SMG6: variants seen among roughly 807,000 people sequenced by gnomAD.
The protein encoded by SMG6 is telomerase-binding protein EST1A.
A neutral mutation model predicts 142.2 loss-of-function variants in SMG6; 66 were observed. That is an observed-to-expected ratio of 0.46 (90% confidence interval 0.38 to 0.57). The LOEUF (loss-of-function observed/expected upper bound fraction) is 0.57. Ranked by LOEUF, SMG6 falls within the 20% of genes least tolerant of loss-of-function variation. SMG6 has a pLI of 0.00. For synonymous variants in SMG6, 779 were observed against 702.4 expected, an observed-to-expected ratio of 1.11 and a Z score of -1.72; for missense variants, 1,793 against 1,832.0, an observed-to-expected ratio of 0.98 and a Z score of 0.39.
chr17:2,164,759 A>T, intron 13 of SMG6, among the ~76,000 whole-genome samples: 1 of 152,060 alleles, frequency 6.6e-6, no homozygotes, highest in East Asian at 1.9e-4. Context: ...TAACATGGCA[A>T]AACCCCATCT....
chr17:2,123,538 G>T (rs1438809119), intron 13 of SMG6, among the ~76,000 whole-genome samples: 1 of 152,184 alleles, frequency 6.6e-6, no homozygotes, highest in East Asian at 1.9e-4. Context: ...CTTGGCAATG[G>T]TTATTCCTCC....
At chr17:2,122,114 A>G (rs2069720882) in intron 13 of SMG6, among the ~76,000 whole-genome samples, 1 of 152,152 alleles carries the variant, frequency 6.6e-6, no homozygotes, top group African/African-American at 2.4e-5. Context: ...GATTATAGGC[A>G]TTAAAAAAAT....
intron 13 of SMG6, among the ~76,000 whole-genome samples, chr17:2,120,633 G>A (rs977751220): frequency 4.6e-5 from 7 of 152,218 alleles, no homozygotes; most frequent in Non-Finnish European, 8.8e-5. Flanking sequence ...TGAGGCAGGA[G>A]GATTGCCCGA....
chr17:2,125,030 C>A (rs1489580018), intron 13 of SMG6, among the ~76,000 whole-genome samples: 1 of 152,046 alleles, frequency 6.6e-6, no homozygotes, highest in East Asian at 1.9e-4. Flanking sequence ...TTAAAAACAC[C>A]TCATTTGGGG....
intron 13 of SMG6, among the ~76,000 whole-genome samples, chr17:2,158,743 C>G (rs2151619163): frequency 6.6e-6 from 1 of 151,854 alleles, no homozygotes; most frequent in African/African-American, 2.4e-5. Context: ...ATGGCGAAAC[C>G]ATGGCTCTAC....
intron 13 of SMG6, chr17:2,088,182 G>A (rs1237002048): frequency 7.1e-6 from 7 of 985,402 alleles, no homozygotes; most frequent in Non-Finnish European, 6.0e-6. Context: ...ACAGACAGGC[G>A]GGCAGGAGTG....
chr17:2,288,817 C>T (rs534326002), intron 6 of SMG6, among the ~76,000 whole-genome samples: 11 of 151,004 alleles, frequency 7.3e-5, no homozygotes, highest in South Asian at 4.2e-4. Flanking sequence ...CGGTGGCTCA[C>T]GCCTGTAATC....
At chr17:2,291,852 TAA>T (rs60668132) in intron 6 of SMG6, among the ~76,000 whole-genome samples, 69 of 133,460 alleles carry the variant, frequency 5.2e-4, no homozygotes, top group African/African-American at 1.3e-3. Context: ...CTGCCTCTCT[TAA>T]AAAAAAAAAA....
chr17:2,163,804 A>G (rs1469193897), intron 13 of SMG6, among the ~76,000 whole-genome samples: 1 of 151,248 alleles, frequency 6.6e-6, no homozygotes, highest in Non-Finnish European at 1.5e-5. Context: ...CTTGGTGGTT[A>G]TGTAGTTGTT....
intron 13 of SMG6, among the ~76,000 whole-genome samples, chr17:2,116,787 G>A (rs148163435): frequency 2.0e-5 from 3 of 151,808 alleles, no homozygotes; most frequent in East Asian, 1.9e-4. Context: ...CACAGACTGC[G>A]AGAAGATATT....
At chr17:2,076,034 G>A (rs923942336) in intron 15 of SMG6, among the ~76,000 whole-genome samples, 5 of 152,344 alleles carry the variant, frequency 3.3e-5, no homozygotes, top group East Asian at 3.9e-4. Context: ...GAGCTTAGGC[G>A]GCCCAGGGGT....
intron 13 of SMG6, among the ~76,000 whole-genome samples, chr17:2,161,683 C>A (rs1016474304): frequency 6.6e-6 from 1 of 151,534 alleles, no homozygotes; most frequent in African/African-American, 2.4e-5. Flanking sequence ...ACATTTAGTA[C>A]CACTCAGAGC....
At chr17:2,244,814 G>A (rs751969379) in intron 8 of SMG6, 95 bp from the exon 9 acceptor site, 7 of 1,032,886 alleles carry the variant, frequency 6.8e-6, no homozygotes, top group Non-Finnish European at 1.0e-5. Context: ...CCTGGCCAGG[G>A]TCTAAGGGGT....
At chr17:2,080,572 T>C (rs759953722) in intron 15 of SMG6, among the ~76,000 whole-genome samples, 24 of 152,174 alleles carry the variant, frequency 1.6e-4, no homozygotes, top group South Asian at 6.2e-4. Flanking sequence ...GTGCTTTACA[T>C]ACACTGTCTC....
intron 12 of SMG6, among the ~76,000 whole-genome samples, chr17:2,181,003 G>A (rs1020798822): frequency 1.1e-4 from 16 of 152,128 alleles, no homozygotes; most frequent in Admixed American, 9.2e-4. Flanking sequence ...TCAAAACGAT[G>A]AGCAGCAACA....
intron 13 of SMG6, among the ~76,000 whole-genome samples, chr17:2,129,123 G>T (rs902367366): frequency 2.6e-5 from 4 of 151,834 alleles, no homozygotes; most frequent in Non-Finnish European, 1.5e-5. Context: ...CAAGGCAGGC[G>T]GATCGCTTGA....
At chr17:2,291,479 A>G (rs980334684) in intron 6 of SMG6, among the ~76,000 whole-genome samples, 1 of 152,206 alleles carries the variant, frequency 6.6e-6, no homozygotes, top group Admixed American at 6.5e-5. Flanking sequence ...AGTGCTGCAA[A>G]GAGGGCGGGA....
chr17:2,132,137 T>C (rs1361191880), intron 13 of SMG6, among the ~76,000 whole-genome samples: 1 of 151,964 alleles, frequency 6.6e-6, no homozygotes, highest in Non-Finnish European at 1.5e-5. Context: ...GCTCTCAAAG[T>C]GTCGGGATTA....
intron 13 of SMG6, among the ~76,000 whole-genome samples, chr17:2,126,404 T>A (rs757450621): frequency 2.6e-5 from 4 of 152,054 alleles, no homozygotes; most frequent in Non-Finnish European, 5.9e-5. Flanking sequence ...TTCTTGGATA[T>A]GACATCAAAA....
Sources: gnomAD v4.1 joint callset for allele counts (sites outside exome capture counted in the v4.1 genomes callset) on GRCh38, gnomAD v4.1.1 for gene constraint, MANE v1.5 for transcripts, NCBI Gene and HGNC (gene_info 2026-07-23, HGNC 2026-07-21) for gene names.